Variants in DNER observed in about 807,000 individuals in gnomAD.
DNER encodes the protein delta/notch like EGF repeat containing.
DNER carries 33 observed loss-of-function variants against 78.2 expected under a neutral mutation model. The ratio of observed to expected loss-of-function variants is 0.42; its 90% CI spans 0.32 to 0.56. The LOEUF (loss-of-function observed/expected upper bound fraction) is 0.56, where lower values mean the gene tolerates loss of function less well. Among genes scored for constraint, DNER ranks in the 20% least tolerant of loss-of-function variants. The pLI is 0.11. For missense variants in DNER, 918 were observed against 975.3 expected (o/e 0.94, Z 0.78); for synonymous variants, 417 against 384.8 (o/e 1.08, Z -0.98).
At chr2:229,594,075 G>C (rs148308304) in intron 1 of DNER, among the ~76,000 whole-genome samples, 1 of 152,166 alleles carries the variant, frequency 6.6e-6, no homozygotes. Flanking sequence ...AGAGGCAGAG[G>C]CCTCCTCAAA....
intron 1 of DNER, among the ~76,000 whole-genome samples, chr2:229,667,654 T>A (rs1699117285): frequency 6.6e-6 from 1 of 152,120 alleles, no homozygotes; most frequent in Non-Finnish European, 1.5e-5. Flanking sequence ...GAGTTGTGGG[T>A]CCCCTATGTT....
intron 1 of DNER, among the ~76,000 whole-genome samples, chr2:229,699,210 GAGT>G (rs1699707018): frequency 1.3e-5 from 2 of 149,012 alleles, no homozygotes; most frequent in Admixed American, 1.3e-4. Context: ...AAAGTGTGCT[GAGT>G]AGTTCTTAAA....
intron 1 of DNER, among the ~76,000 whole-genome samples, chr2:229,666,508 C>A (rs943066483): frequency 1.3e-5 from 2 of 152,136 alleles, no homozygotes; most frequent in Non-Finnish European, 2.9e-5. Context: ...TTCACAGCAA[C>A]CTAGGCAAGA....
At chr2:229,609,735 T>C (rs1698009282) in intron 1 of DNER, among the ~76,000 whole-genome samples, 1 of 152,220 alleles carries the variant, frequency 6.6e-6, no homozygotes, top group South Asian at 2.1e-4. Context: ...ACATTGCTGC[T>C]TATGTGTATG....
At chr2:229,408,187 G>C (rs1031164206) in intron 9 of DNER, among the ~76,000 whole-genome samples, 1 of 151,916 alleles carries the variant, frequency 6.6e-6, no homozygotes, top group Non-Finnish European at 1.5e-5. Flanking sequence ...ATGTATGTAC[G>C]CAAATGCCTG....
intron 4 of DNER, among the ~76,000 whole-genome samples, chr2:229,557,094 A>G (rs1352821853): frequency 6.6e-6 from 1 of 152,176 alleles, no homozygotes; most frequent in Non-Finnish European, 1.5e-5. Flanking sequence ...AAGAGCAGGA[A>G]CTGTGCCCCT....
intron 8 of DNER, among the ~76,000 whole-genome samples, chr2:229,434,258 G>A (rs1007564390): frequency 6.6e-6 from 1 of 152,152 alleles, no homozygotes; most frequent in South Asian, 2.1e-4. Context: ...CATCCTCTAA[G>A]CTTTCTATTA....
rs114865375 is a variant in DNER at position 229,448,217 on chromosome 2, G to A, written c.1262-677C>T. 5.2e-3 allele frequency among the ~76,000 whole-genome samples: 788 copies of A among 152,202 alleles called. 7 individuals are homozygous for A. Among genetic ancestry groups the A allele is most frequent in the African/African-American group, 0.018 (736 of 41,540 alleles). ...AAAAATAAGTACTGACACATCGTATGACATGAATGAATGTCAAAAGCATTA... is the reference window on the plus strand; with the variant it reads ...AAAAATAAGTACTGACACATCGTATAACATGAATGAATGTCAAAAGCATTA... On this transcript the variant is annotated intron_variant, in intron 7 of 12. Transcript: ENST00000341772.
chr2:229,714,292 C>T lies in DNER; in HGVS notation c.132G>A (p.Ala44=). The T allele has an allele frequency of 7.5e-7, 1 of 1,333,464 alleles. No individual in the cohort carries two copies. Among genetic ancestry groups the T allele is most frequent in the South Asian group, 2.0e-5 (1 of 49,738 alleles). The allele number at this position is 1,333,464 out of a possible 1,614,324, so 82.6% of individuals were successfully genotyped here. A position where few individuals can be genotyped will look rare whatever the true frequency, so the allele number is the denominator to read the frequency against. Residue 44 remains alanine, a synonymous_variant, in exon 1 of 13, where the codon GCG becomes GCA. Transcript: ENST00000341772. ...ANPVPAAPLS[A]PGPCAAQPCR... is the part of the protein sequence containing the mutation. ...AGGGCTGCGCGGCGCACGGCCCGGG[C>T]GCAGACAGGGGCGCGGCGGGCACCG... is the stretch of plus-strand genomic sequence containing the variant.
At position 229,564,582 on chromosome 2, in the gene DNER, CCATCACCATCATCATCATCATCCTCACCA is replaced by C. The variant is rs1381862767; in HGVS notation, c.848-17519_848-17491del. Among the ~76,000 whole-genome samples the C allele has an allele frequency of 1.1e-3, 164 of 147,468 alleles. 1 individual carries two copies. The highest frequency in any genetic ancestry group is 4.0e-3 in the African/African-American group (158 of 39,140). On this transcript the variant is annotated intron_variant, in intron 4 of 12. Transcript: ENST00000341772. ...TACCATCATCATCAACATCATCACC[CCATCACCATCATCATCATCATCCTCACCA>C]CATCACCATCATCATCCTCATCCTC...
intron 1 of DNER, among the ~76,000 whole-genome samples, chr2:229,651,844 G>T (rs559487090): frequency 6.6e-6 from 1 of 152,164 alleles, no homozygotes; most frequent in East Asian, 1.9e-4. Flanking sequence ...AGCATGATCC[G>T]TCAGAACAAC....
intron 4 of DNER, among the ~76,000 whole-genome samples, chr2:229,577,734 C>G (rs1457866141): frequency 6.6e-6 from 1 of 152,038 alleles, no homozygotes; most frequent in Non-Finnish European, 1.5e-5. Context: ...TTTGAATATT[C>G]CAGGGTGCCA....
chr2:229,648,792 T>C (rs942032827), intron 1 of DNER, among the ~76,000 whole-genome samples: 2 of 152,222 alleles, frequency 1.3e-5, no homozygotes, highest in Non-Finnish European at 2.9e-5. Context: ...TGACACATTG[T>C]TTCTCTCTGA....
intron 6 of DNER, among the ~76,000 whole-genome samples, chr2:229,506,195 G>GGT (rs796608378): frequency 1.3e-5 from 2 of 151,668 alleles, no homozygotes; most frequent in South Asian, 2.1e-4. Flanking sequence ...AGGGCTGGGG[G>GGT]GCCTCAAGAA....
At chr2:229,445,588 G>C (rs1470001126) in intron 8 of DNER, among the ~76,000 whole-genome samples, 1 of 152,152 alleles carries the variant, frequency 6.6e-6, no homozygotes, top group African/African-American at 2.4e-5. Flanking sequence ...GAATGTGCGT[G>C]GGCTGCATCC....
At chr2:229,412,046 T>A (rs1180367649) in intron 9 of DNER, among the ~76,000 whole-genome samples, 1 of 152,180 alleles carries the variant, frequency 6.6e-6, no homozygotes, top group East Asian at 1.9e-4. Context: ...TCACCAAAAA[T>A]TTCAAATATA....
chr2:229,496,499 A>C (rs1695505408), intron 6 of DNER, among the ~76,000 whole-genome samples: 1 of 151,968 alleles, frequency 6.6e-6, no homozygotes, highest in Admixed American at 6.6e-5. Flanking sequence ...TTCCAGGCAG[A>C]AGACATAGAG....
At chr2:229,447,117 AAAAG>A (rs1694357652) in intron 8 of DNER, among the ~76,000 whole-genome samples, 195 bp downstream of exon 8, 1 of 152,252 alleles carries the variant, frequency 6.6e-6, no homozygotes, top group African/African-American at 2.4e-5. Flanking sequence ...GTAAATCTAA[AAAAG>A]AAAGTGTGTC....
rs1292071518 is a variant in DNER, at chr2:229,585,752, T to C, written c.847+106A>G. 20 of 1,154,276 alleles carry C rather than the reference T, an allele frequency of 1.7e-5. No individual in the cohort carries two copies. In the East Asian group the frequency reaches 4.9e-4, roughly 28 times the overall value. The allele number at this position is 1,154,276 out of a possible 1,614,324, so 71.5% of individuals were successfully genotyped here. On this transcript the variant is annotated intron_variant, in intron 4 of 12. Transcript: ENST00000341772. ...AAGTGAAAGAAATAGCATTGATGGATAGAATTCAGATTATCTGAGCAAAAT... is the reference window on the plus strand; with the variant it reads ...AAGTGAAAGAAATAGCATTGATGGACAGAATTCAGATTATCTGAGCAAAAT...
Sources: gnomAD v4.1 joint callset for allele counts (sites outside exome capture counted in the v4.1 genomes callset) on GRCh38, gnomAD v4.1.1 for gene constraint, MANE v1.5 for transcripts, NCBI Gene and HGNC (gene_info 2026-07-23, HGNC 2026-07-21) for gene names.